LTBP1: variants seen among roughly 807,000 people sequenced by gnomAD.
The protein encoded by LTBP1 is latent-transforming growth factor beta-binding protein 1.
Under a neutral mutation model 207.6 loss-of-function variants are expected in LTBP1, and 129 were observed. That is an observed-to-expected ratio of 0.62 (90% CI 0.54 to 0.72). The LOEUF is 0.72. Among genes scored for constraint, LTBP1 ranks in the 30% least tolerant of loss-of-function variants. The pLI is 0.00. For synonymous variants in LTBP1, 963 were observed against 833.7 expected (o/e 1.16, Z -2.67); for missense variants, 2,281 against 2,217.2 (o/e 1.03, Z -0.58).
At chr2:33,106,929 G>A (rs1027580265) in intron 3 of LTBP1, among the ~76,000 whole-genome samples, 2 of 152,210 alleles carry the variant, frequency 1.3e-5, no homozygotes. Flanking sequence ...AGATAACACT[G>A]TTCAGCCCTA....
intron 4 of LTBP1, among the ~76,000 whole-genome samples, chr2:33,115,288 C>T (rs1035184949): frequency 6.6e-6 from 1 of 151,974 alleles, no homozygotes; most frequent in Non-Finnish European, 1.5e-5. Context: ...TATAAGATGT[C>T]CAGAGTAGGC....
intron 3 of LTBP1, among the ~76,000 whole-genome samples, chr2:33,043,079 T>C (rs2076268492): frequency 1.3e-5 from 2 of 152,128 alleles, no homozygotes; most frequent in African/African-American, 4.8e-5. Flanking sequence ...AGGCCTATAA[T>C]CCCCAAACGG....
intron 7 of LTBP1, among the ~76,000 whole-genome samples, chr2:33,201,707 A>C (rs2089303350): frequency 6.6e-6 from 1 of 152,230 alleles, no homozygotes; most frequent in Non-Finnish European, 1.5e-5. Flanking sequence ...TACAGAAGAA[A>C]ATAAACTTTA....
At chr2:33,087,252 G>A (rs2078820367) in intron 3 of LTBP1, among the ~76,000 whole-genome samples, 1 of 151,794 alleles carries the variant, frequency 6.6e-6, no homozygotes, top group African/African-American at 2.4e-5. Context: ...ATGTTCTGTA[G>A]AGGTGTGCTC....
At chr2:32,995,084 T>C (rs1422391872) in intron 2 of LTBP1, among the ~76,000 whole-genome samples, 2 of 151,766 alleles carry the variant, frequency 1.3e-5, no homozygotes, top group African/African-American at 4.8e-5. Flanking sequence ...CTTGGGAGGC[T>C]AAGGTAAGAG....
chr2:33,340,415 G>A (rs1019735076), intron 24 of LTBP1, among the ~76,000 whole-genome samples: 5 of 152,268 alleles, frequency 3.3e-5, no homozygotes, highest in African/African-American at 7.2e-5. Context: ...CAGGCAGGGC[G>A]GGAGCCTTGG....
chr2:33,177,936 C>G (rs969422348), intron 5 of LTBP1, among the ~76,000 whole-genome samples: 2 of 152,164 alleles, frequency 1.3e-5, no homozygotes, highest in Non-Finnish European at 2.9e-5. Flanking sequence ...TCACATTACG[C>G]TAGCCAAAAG....
intron 2 of LTBP1, among the ~76,000 whole-genome samples, chr2:32,987,528 C>G (rs1175955686): frequency 6.6e-6 from 1 of 152,048 alleles, no homozygotes; most frequent in African/African-American, 2.4e-5. Flanking sequence ...AGCTCTGGAG[C>G]CATTTCCCTG....
At chr2:33,148,381 C>T (rs979813307) in intron 5 of LTBP1, among the ~76,000 whole-genome samples, 5 of 152,188 alleles carry the variant, frequency 3.3e-5, no homozygotes, top group African/African-American at 9.7e-5. Context: ...CATACGTTCT[C>T]TATGCTGAAC....
At chr2:33,314,062 C>T (rs547126441) in intron 23 of LTBP1, among the ~76,000 whole-genome samples, 2 of 152,206 alleles carry the variant, frequency 1.3e-5, no homozygotes, top group East Asian at 1.9e-4. Flanking sequence ...ACCCTGGCCA[C>T]GGGGAGCACA....
Position 33,188,779 on chromosome 2 carries a change from C to T in LTBP1, c.1629C>T (p.Val543=), listed in dbSNP as rs1266099891. 2 of 1,614,060 alleles carry T rather than the reference C, an allele frequency of 1.2e-6. No homozygotes were observed. Among genetic ancestry groups the T allele is most frequent in the East Asian group, 2.2e-5 (1 of 44,892 alleles). ...TIHSTYSHQQ[V]IPHVYPVAAK... is the part of the protein sequence containing the mutation. The stretch of plus-strand genomic sequence containing the variant: ...ATTCCACATACTCCCACCAGCAGGT[C>T]ATTCCTCACGTCTACCCCGTGGCTG... The change falls in exon 7 of 34, where the codon GTC becomes GTT. Residue 543 remains valine, a synonymous_variant. Coordinates refer to ENST00000404816, the MANE Select transcript of LTBP1 (RefSeq NM_206943.4).
chr2:33,176,697 C>G lies in LTBP1; in HGVS notation c.1202-10159C>G, dbSNP rs62146678. 2.6e-5 allele frequency among the ~76,000 whole-genome samples: 4 copies of G among 151,940 alleles called. No individual in the cohort carries two copies. The East Asian group carries it at 7.7e-4, about 29-fold the overall frequency. On this transcript the variant is annotated intron_variant, in intron 5 of 33. Coordinates refer to ENST00000404816, the MANE Select transcript of LTBP1 (RefSeq NM_206943.4). ...GTATAGTGCACGACCTGACCAGCTT[C>G]CCAAGATGTGGAGATGGCAGGCATG... is the stretch of plus-strand genomic sequence containing the variant.
chr2:33,227,848 A>G (rs973936943), intron 9 of LTBP1, among the ~76,000 whole-genome samples: 2 of 117,910 alleles, frequency 1.7e-5, no homozygotes, highest in East Asian at 5.5e-4. Flanking sequence ...CTCTGTCGCC[A>G]GGCTGGAGTG....
At position 32,948,899 on chromosome 2, in the gene LTBP1, C is replaced by T. The variant is rs542585090; in HGVS notation, c.519C>T (p.Cys173=). 2.9e-5 allele frequency: 47 copies of T among 1,614,186 alleles called. No homozygotes were observed. The East Asian group carries it at 1.0e-3, about 35-fold the overall frequency. ...LQGVNVCGGR[C]CHGWSKAPGS... ...GGGTCAATGTCTGTGGAGGGCGGTGCTGTCATGGCTGGAGTAAGGCCCCTG... is the reference window on the plus strand; with the variant it reads ...GGGTCAATGTCTGTGGAGGGCGGTGTTGTCATGGCTGGAGTAAGGCCCCTG... Residue 173 remains cysteine, a synonymous_variant, in exon 2 of 34, where the codon TGC becomes TGT. Transcript: ENST00000404816.
chr2:33,088,434 A>G (rs1190183478), intron 3 of LTBP1, among the ~76,000 whole-genome samples: 2 of 152,136 alleles, frequency 1.3e-5, no homozygotes, highest in East Asian at 3.9e-4. Flanking sequence ...CCTTGGCGAC[A>G]GGGCGAGACT....
chr2:33,076,907 G>A (rs2078114682), intron 3 of LTBP1, among the ~76,000 whole-genome samples: 1 of 152,152 alleles, frequency 6.6e-6, no homozygotes, highest in Admixed American at 6.5e-5. Context: ...GGCCAAGAGG[G>A]CATCTGTTCA....
At chr2:33,232,336 G>C (rs867044204) in intron 9 of LTBP1, among the ~76,000 whole-genome samples, 1 of 152,174 alleles carries the variant, frequency 6.6e-6, no homozygotes, top group African/African-American at 2.4e-5. Context: ...GGGTTCAGAG[G>C]AGCCTGACTA....
At chr2:33,163,540 T>C (rs551164672) in intron 5 of LTBP1, among the ~76,000 whole-genome samples, 1 of 152,196 alleles carries the variant, frequency 6.6e-6, no homozygotes, top group Non-Finnish European at 1.5e-5. Flanking sequence ...CATGTGATTA[T>C]TAGGTAGAAG....
intron 9 of LTBP1, among the ~76,000 whole-genome samples, chr2:33,236,532 C>G (rs2092059241): frequency 6.6e-6 from 1 of 152,168 alleles, no homozygotes; most frequent in Admixed American, 6.5e-5. Context: ...GGTGTGTCCT[C>G]TTACTATGCT....
Sources: allele counts gnomAD v4.1 joint callset (sites outside exome capture counted in the v4.1 genomes callset), GRCh38; gene constraint gnomAD v4.1.1; transcripts MANE v1.5; gene names NCBI Gene and HGNC (gene_info 2026-07-23, HGNC 2026-07-21).